Variants in EYS observed in about 807,000 individuals in gnomAD.
EYS encodes the protein EGF-like photoreceptor maintenance factor.
Under a neutral mutation model 282.1 loss-of-function variants are expected in EYS, and 250 were observed. The ratio of observed to expected loss-of-function variants is 0.89; its 90% confidence interval spans 0.80 to 0.98. EYS has a LOEUF of 0.98. Among genes scored for constraint, EYS ranks in the 50% least tolerant of loss-of-function variants. The probability of loss-of-function intolerance (pLI) is 0.00; values close to 1 mark genes in which losing one functional copy is unlikely to be tolerated. For missense variants in EYS, 4,016 were observed against 3,709.0 expected (o/e 1.08, Z -2.15); for synonymous variants, 1,355 against 1,282.9 (o/e 1.06, Z -1.20).
intron 2 of EYS, among the ~76,000 whole-genome samples, chr6:65,624,884 T>C (rs1331665539): frequency 1.3e-5 from 2 of 152,302 alleles, no homozygotes; most frequent in East Asian, 1.9e-4. Flanking sequence ...CTGGCTTCCT[T>C]GCTCCTCAGC....
At chr6:65,261,465 G>C (rs1161711558) in intron 12 of EYS, among the ~76,000 whole-genome samples, 1 of 151,952 alleles carries the variant, frequency 6.6e-6, no homozygotes, top group African/African-American at 2.4e-5. Context: ...TAAGTTGCTT[G>C]TGTTTAATAA....
At chr6:64,817,754 G>T (rs1373156560) in intron 21 of EYS, among the ~76,000 whole-genome samples, 2 of 152,052 alleles carry the variant, frequency 1.3e-5, no homozygotes, top group African/African-American at 4.8e-5. Flanking sequence ...GCCTCCAGCT[G>T]CATCCATGTT....
intron 7 of EYS, among the ~76,000 whole-genome samples, chr6:65,399,515 A>G (rs1010928105): frequency 8.5e-5 from 13 of 152,050 alleles, no homozygotes; most frequent in African/African-American, 3.1e-4. Flanking sequence ...CTTACAGTAG[A>G]GTAGAATTTC....
At chr6:63,726,960 A>G (rs1029826222) in intron 41 of EYS, among the ~76,000 whole-genome samples, 3 of 152,126 alleles carry the variant, frequency 2.0e-5, no homozygotes, top group Non-Finnish European at 1.5e-5. Context: ...CTTCTGCTCT[A>G]GATTGCATTA....
At chr6:64,499,636 T>C (rs1207482987) in intron 26 of EYS, among the ~76,000 whole-genome samples, 1 of 152,112 alleles carries the variant, frequency 6.6e-6, no homozygotes, top group Non-Finnish European at 1.5e-5. Flanking sequence ...ATCTGTCTTT[T>C]TTTTAGGCTG....
intron 16 of EYS, among the ~76,000 whole-genome samples, chr6:64,909,130 C>T (rs1767916864): frequency 1.3e-5 from 2 of 152,120 alleles, no homozygotes; most frequent in Non-Finnish European, 2.9e-5. Flanking sequence ...TCCTTGAGGG[C>T]ATATCTTCAC....
At chr6:64,949,528 G>A (rs1769408025) in intron 14 of EYS, among the ~76,000 whole-genome samples, 2 of 151,802 alleles carry the variant, frequency 1.3e-5, no homozygotes, top group Admixed American at 6.6e-5. Flanking sequence ...GTTACCTCTT[G>A]TTTTGTTAAA....
At chr6:64,714,687 A>G (rs1403409830) in intron 22 of EYS, among the ~76,000 whole-genome samples, 1 of 151,788 alleles carries the variant, frequency 6.6e-6, no homozygotes, top group Non-Finnish European at 1.5e-5. Flanking sequence ...CACCACGCCC[A>G]GCTAATTTTT....
In EYS at chr6:65,154,260, G is replaced by A. The variant is rs80091280; in HGVS notation, c.2024-96533C>T. Among the ~76,000 whole-genome samples, 719 of 151,320 alleles carry A rather than the reference G, an allele frequency of 4.8e-3. 4 individuals carry two copies. The highest frequency in any genetic ancestry group is 0.015 in the African/African-American group (635 of 41,328). The stretch of plus-strand genomic sequence containing the variant: ...AAAATTCACGTAGGTACAGGTGAAA[G>A]GAAGAATAAACTGCCTTAAAATGGA... On this transcript the variant is annotated intron_variant, in intron 12 of 42. Transcript: ENST00000503581.
chr6:64,809,457 A>C (rs1406097439), intron 22 of EYS, among the ~76,000 whole-genome samples: 6 of 152,128 alleles, frequency 3.9e-5, no homozygotes, highest in African/African-American at 1.4e-4. Context: ...TTTGAGAAGT[A>C]AATAAAAATG....
At chr6:65,486,659 G>A (rs912982870) in intron 5 of EYS, among the ~76,000 whole-genome samples, 1 of 152,154 alleles carries the variant, frequency 6.6e-6, no homozygotes, top group African/African-American at 2.4e-5. Context: ...GGAAGCATTT[G>A]AGGGGGCTCC....
At chr6:64,062,965 A>G (rs1771230305) in intron 33 of EYS, among the ~76,000 whole-genome samples, 1 of 152,136 alleles carries the variant, frequency 6.6e-6, no homozygotes, top group Non-Finnish European at 1.5e-5. Context: ...AGGTCATGGA[A>G]TCATGTGGAC....
chr6:64,636,170 C>T (rs370627847), intron 22 of EYS, among the ~76,000 whole-genome samples: 5 of 152,146 alleles, frequency 3.3e-5, no homozygotes, highest in East Asian at 1.9e-4. Flanking sequence ...AGAAGCATCA[C>T]GCTACCTGAC....
chr6:64,219,110 C>G (rs115977310), intron 31 of EYS, among the ~76,000 whole-genome samples: 1 of 152,098 alleles, frequency 6.6e-6, no homozygotes, highest in Non-Finnish European at 1.5e-5. Context: ...GCTGCCCATG[C>G]GGAATTATAA....
chr6:63,720,999 A>G lies in EYS; in HGVS notation c.9032T>C (p.Ile3011Thr), dbSNP rs1482378520. ...AQNEENDFLA[I>T]GLHNQTLKIA... Reference sequence around the variant, plus strand: ...TTTCAAGGTCTGATTATGGAGACCAATTGCCAGAAAATCATTTTCTTCATT... The same window carrying G: ...TTTCAAGGTCTGATTATGGAGACCAGTTGCCAGAAAATCATTTTCTTCATT... The change falls in exon 43 of 43, where the codon ATT (isoleucine) becomes ACT (threonine). Residue 3011 changes from isoleucine to threonine, a missense_variant. Transcript: ENST00000503581. 6.4e-7 allele frequency: 1 copy of G among 1,551,298 alleles called. No homozygotes were observed. Among genetic ancestry groups the G allele is most frequent in the East Asian group, 2.4e-5 (1 of 40,894 alleles).
intron 33 of EYS, among the ~76,000 whole-genome samples, chr6:64,042,250 C>A (rs1370385823): frequency 6.6e-6 from 1 of 152,076 alleles, no homozygotes; most frequent in Non-Finnish European, 1.5e-5. Context: ...ATAATTAATT[C>A]CATGATTATT....
chr6:65,141,536 A>T (rs1764341356), intron 12 of EYS, among the ~76,000 whole-genome samples: 1 of 152,062 alleles, frequency 6.6e-6, no homozygotes, highest in South Asian at 2.1e-4. Context: ...AAAGATATTA[A>T]CAACTACAGA....
intron 35 of EYS, among the ~76,000 whole-genome samples, chr6:63,973,028 T>C (rs560073892): frequency 6.6e-6 from 1 of 152,246 alleles, no homozygotes; most frequent in African/African-American, 2.4e-5. Flanking sequence ...AGTAGCATGA[T>C]TTATAATCAT....
chr6:65,477,035 C>G (rs960679736), intron 5 of EYS, among the ~76,000 whole-genome samples: 1 of 152,084 alleles, frequency 6.6e-6, no homozygotes, highest in Non-Finnish European at 1.5e-5. Flanking sequence ...GATGATGACA[C>G]TTTAATAATT....
Sources: allele counts gnomAD v4.1 joint callset (sites outside exome capture counted in the v4.1 genomes callset), GRCh38; gene constraint gnomAD v4.1.1; transcripts MANE v1.5; gene names NCBI Gene and HGNC (gene_info 2026-07-23, HGNC 2026-07-21).